Variants in TSNARE1 observed in about 807,000 individuals in gnomAD.
TSNARE1 encodes t-SNARE domain-containing protein 1.
In TSNARE1, 49 loss-of-function variants were observed where a neutral mutation model predicts 62.0. The ratio of observed to expected loss-of-function variants is 0.79; its 90% confidence interval spans 0.63 to 1.00. The LOEUF (loss-of-function observed/expected upper bound fraction) is 1.00, where lower values mean the gene tolerates loss of function less well. Ranked by LOEUF, TSNARE1 falls within the 50% of genes least tolerant of loss-of-function variation. The probability of loss-of-function intolerance (pLI) is 0.00; values close to 1 mark genes in which losing one functional copy is unlikely to be tolerated. For missense variants in TSNARE1, 755 were observed against 700.1 expected (o/e 1.08, Z -0.88); for synonymous variants, 328 against 294.4 (o/e 1.11, Z -1.17).
intron 6 of TSNARE1, among the ~76,000 whole-genome samples, chr8:142,323,131 A>T (rs574187665): frequency 6.6e-6 from 1 of 151,698 alleles, no homozygotes; most frequent in African/African-American, 2.4e-5. Context: ...AGGCCAGCCT[A>T]GCCATGTCTG....
In TSNARE1 at chr8:142,315,019, T is replaced by C. The variant is rs750911068; in HGVS notation, c.1058A>G (p.Tyr353Cys). The C allele has an allele frequency of 8.1e-6, 13 of 1,614,026 alleles. No individual in the cohort carries two copies. Among genetic ancestry groups the C allele is most frequent in the South Asian group, 1.1e-5 (1 of 91,078 alleles). ...GCACCTCACCTTCTGCACCACTCCATAGCACTGAATGGCATCTGAGAGCTG... is the reference window on the plus strand; with the variant it reads ...GCACCTCACCTTCTGCACCACTCCACAGCACTGAATGGCATCTGAGAGCTG... ...KTQLSDAIQC[Y>C]GVVQKKIAEK... is the part of the protein sequence containing the mutation. Residue 353 changes from tyrosine to cysteine, a missense_variant, in exon 8 of 14, where the codon TAT (tyrosine) becomes TGT (cysteine). Physicochemically the swap from Tyr to Cys is radical, Grantham distance 194. Coordinates refer to ENST00000524325, the MANE Select transcript of TSNARE1 (RefSeq NM_145003.5).
At chr8:142,396,671 T>C (rs1347076704) in intron 1 of TSNARE1, among the ~76,000 whole-genome samples, 1 of 152,208 alleles carries the variant, frequency 6.6e-6, no homozygotes, top group Non-Finnish European at 1.5e-5. Flanking sequence ...GCAATGCCTC[T>C]GATTTCTGCC....
At chr8:142,250,207 C>T (rs1026308018) in intron 12 of TSNARE1, among the ~76,000 whole-genome samples, 4 of 152,144 alleles carry the variant, frequency 2.6e-5, no homozygotes, top group South Asian at 2.1e-4. Context: ...GTGCTCCTCT[C>T]GGATTTTTAC....
intron 4 of TSNARE1, among the ~76,000 whole-genome samples, chr8:142,338,744 G>A (rs1934266322): frequency 6.6e-6 from 1 of 152,262 alleles, no homozygotes. Context: ...AGTCAAGACA[G>A]TGTGCAGCCT....
At chr8:142,394,724 G>A (rs1020541926) in intron 1 of TSNARE1, among the ~76,000 whole-genome samples, 17 of 152,188 alleles carry the variant, frequency 1.1e-4, no homozygotes, top group Non-Finnish European at 2.2e-4. Context: ...CCAACCAGGG[G>A]CAGCAGGGCC....
intron 9 of TSNARE1, among the ~76,000 whole-genome samples, chr8:142,313,933 C>T (rs1175423277): frequency 2.0e-5 from 3 of 152,218 alleles, no homozygotes; most frequent in Non-Finnish European, 4.4e-5. Context: ...TGCTCGCCAC[C>T]ACGCCTAGCT....
At chr8:142,300,762 G>T in intron 9 of TSNARE1, 118 bp from the exon 10 acceptor site, 1 of 1,325,776 alleles carries the variant, frequency 7.5e-7, no homozygotes, top group Non-Finnish European at 1.0e-6. Flanking sequence ...GCTCTCTGAG[G>T]GGACGATCTG....
At chr8:142,398,256 TG>T (rs747312308) in intron 1 of TSNARE1, among the ~76,000 whole-genome samples, 76 of 108,504 alleles carry the variant, frequency 7.0e-4, no homozygotes, top group East Asian at 1.1e-3. Flanking sequence ...CCCCCAGCCC[TG>T]CCCAAAACAC....
intron 1 of TSNARE1, among the ~76,000 whole-genome samples, chr8:142,376,791 G>A (rs1329146110): frequency 6.6e-6 from 1 of 152,174 alleles, no homozygotes; most frequent in Non-Finnish European, 1.5e-5. Flanking sequence ...CCCGGGGCCT[G>A]GAGTGCCAGG....
At chr8:142,284,296 G>T (rs892632371) in intron 11 of TSNARE1, 117 bp downstream of exon 11, 1 of 770,610 alleles carries the variant, frequency 1.3e-6, no homozygotes, top group Admixed American at 2.1e-5. Context: ...ACCCCAGCCT[G>T]GGCCTGGCTC....
At chr8:142,274,397 A>G in intron 12 of TSNARE1, 1 of 985,388 alleles carries the variant, frequency 1.0e-6, no homozygotes, top group African/African-American at 1.7e-5. Context: ...ACCTGCCCCA[A>G]CCACAAAGTC....
chr8:142,378,489 C>A (rs561110724), intron 1 of TSNARE1, among the ~76,000 whole-genome samples: 1 of 152,202 alleles, frequency 6.6e-6, no homozygotes, highest in African/African-American at 2.4e-5. Flanking sequence ...TAATTATACA[C>A]GCTTGAAGTT....
intron 10 of TSNARE1, among the ~76,000 whole-genome samples, chr8:142,285,887 G>A (rs371936089): frequency 8.5e-5 from 13 of 152,328 alleles, no homozygotes; most frequent in East Asian, 3.9e-4. Flanking sequence ...CACCTGGGCT[G>A]TGCTTCAGGC....
intron 12 of TSNARE1, among the ~76,000 whole-genome samples, chr8:142,235,737 T>C (rs1392098861): frequency 6.6e-6 from 1 of 152,168 alleles, no homozygotes; most frequent in East Asian, 1.9e-4. Flanking sequence ...GCACTCACTT[T>C]AGGCCAAAGG....
At chr8:142,225,332 GC>G (rs1474892120) in intron 13 of TSNARE1, among the ~76,000 whole-genome samples, 1 of 152,078 alleles carries the variant, frequency 6.6e-6, no homozygotes. Flanking sequence ...CTTGGCCCTG[GC>G]CCTGCTGGGA....
At chr8:142,390,555 CAGACGCTGTACACTGCAGGGGACTCT>C (rs1837433368) in intron 1 of TSNARE1, among the ~76,000 whole-genome samples, 1 of 71,502 alleles carries the variant, frequency 1.4e-5, no homozygotes, top group Admixed American at 1.3e-4. Context: ...GACTCTGTAA[CAGACGCTGTACACTGCAGGGGACTCT>C]ATAGCAGACG....
chr8:142,366,702 C>T (rs1321608483), intron 1 of TSNARE1, among the ~76,000 whole-genome samples: 1 of 152,128 alleles, frequency 6.6e-6, no homozygotes, highest in African/African-American at 2.4e-5. Flanking sequence ...GAACAATTCC[C>T]GAAGATCAAG....
intron 11 of TSNARE1, chr8:142,276,222 C>T (rs917235755): frequency 4.1e-6 from 4 of 985,338 alleles, no homozygotes; most frequent in Non-Finnish European, 3.6e-6. Flanking sequence ...CGGCCTCGGC[C>T]GCTCCTGGAG....
intron 12 of TSNARE1, among the ~76,000 whole-genome samples, chr8:142,268,859 T>C (rs985544765): frequency 6.6e-6 from 1 of 152,346 alleles, no homozygotes; most frequent in African/African-American, 2.4e-5. Flanking sequence ...CTCTGAGGAC[T>C]GTGGCCCTGC....
Sources: allele counts gnomAD v4.1 joint callset (sites outside exome capture counted in the v4.1 genomes callset), GRCh38; gene constraint gnomAD v4.1.1; transcripts MANE v1.5; gene names NCBI Gene and HGNC (gene_info 2026-07-23, HGNC 2026-07-21).